Variants in EPB41L3 observed in about 807,000 individuals in gnomAD.
EPB41L3 encodes band 4.1-like protein 3.
A neutral mutation model predicts 127.1 loss-of-function variants in EPB41L3; 57 were observed. The ratio of observed to expected loss-of-function variants is 0.45; its 90% CI spans 0.36 to 0.56. The LOEUF is 0.56. Ranked by LOEUF, EPB41L3 falls within the 20% of genes least tolerant of loss-of-function variation. EPB41L3 has a pLI of 0.00. For missense variants in EPB41L3, 1,273 were observed against 1,372.2 expected (o/e 0.93, Z 1.14); for synonymous variants, 572 against 549.5 (o/e 1.04, Z -0.57).
intron 8 of EPB41L3, among the ~76,000 whole-genome samples, chr18:5,432,395 CT>C (rs2079122699): frequency 6.6e-6 from 1 of 152,158 alleles, no homozygotes; most frequent in South Asian, 2.1e-4. Context: ...GTGACTAACT[CT>C]GTCCATAAAA....
intron 3 of EPB41L3, among the ~76,000 whole-genome samples, chr18:5,474,696 A>T (rs1271108191): frequency 6.6e-6 from 1 of 152,108 alleles, no homozygotes; most frequent in Non-Finnish European, 1.5e-5. Context: ...CTTCATTCTT[A>T]ATTCATCTGT....
chr18:5,609,731 T>C (rs956083383), intron 3 of EPB41L3, among the ~76,000 whole-genome samples: 3 of 152,130 alleles, frequency 2.0e-5, no homozygotes. Flanking sequence ...CTGCCACAAA[T>C]GGTAAATATG....
At chr18:5,561,347 G>T (rs1004208318) in intron 3 of EPB41L3, among the ~76,000 whole-genome samples, 6 of 152,104 alleles carry the variant, frequency 3.9e-5, no homozygotes, top group African/African-American at 1.4e-4. Context: ...AGAAAGTAAA[G>T]AAATGCTTTA....
Position 5,543,727 on chromosome 18 carries a change from G to A in EPB41L3, c.-12+186C>T, listed in dbSNP as rs1490982265. Among the ~76,000 whole-genome samples the A allele has an allele frequency of 1.4e-5, 2 of 147,398 alleles. No individual in the cohort carries two copies. Among genetic ancestry groups the A allele is most frequent in the Non-Finnish European group, 3.0e-5 (2 of 66,350 alleles). The stretch of plus-strand genomic sequence containing the variant: ...GCCCGGTGGGGGTCCCGGCGAGCGG[G>A]AGGGCGGTTGGGGACCCCGGCCGCG... On this transcript the variant is annotated intron_variant, in intron 1 of 22. Transcript: ENST00000341928. The surrounding 1 kb of genome is among the most constrained non-coding windows in gnomAD (Gnocchi z 5.2).
At chr18:5,597,785 C>T (rs1250484690) in intron 3 of EPB41L3, among the ~76,000 whole-genome samples, 2 of 152,162 alleles carry the variant, frequency 1.3e-5, no homozygotes, top group Non-Finnish European at 1.5e-5. Context: ...GTCTTCCACA[C>T]AGTCTTACTC....
intron 1 of EPB41L3, among the ~76,000 whole-genome samples, chr18:5,529,981 G>A (rs1167824484): frequency 4.0e-5 from 6 of 150,702 alleles, no homozygotes; most frequent in Admixed American, 2.0e-4. Flanking sequence ...AACAGCAAGT[G>A]GGGCCATTCC....
At chr18:5,582,499 A>G (rs2094402607) in intron 3 of EPB41L3, among the ~76,000 whole-genome samples, 1 of 152,206 alleles carries the variant, frequency 6.6e-6, no homozygotes, top group Non-Finnish European at 1.5e-5. Flanking sequence ...CCAACGTTAA[A>G]CAGATGTTTA....
chr18:5,592,259 C>T (rs531906310), intron 3 of EPB41L3, among the ~76,000 whole-genome samples: 192 of 152,190 alleles, frequency 1.3e-3, no homozygotes, highest in Non-Finnish European at 2.2e-3. Context: ...CTCCACCTCG[C>T]GGGTTGAGGT....
At chr18:5,628,967 G>A (rs1216794922) in exon 1 of EPB41L3, 2 of 152,410 alleles carry the variant, frequency 1.3e-5, no homozygotes, top group Non-Finnish European at 2.9e-5. Context: ...GGAGCTCCCC[G>A]GCTTCTGAGC....
At chr18:5,410,198 T>G (rs548563864) in intron 14 of EPB41L3, among the ~76,000 whole-genome samples, 77 of 151,364 alleles carry the variant, frequency 5.1e-4, no homozygotes, top group African/African-American at 1.7e-3. Context: ...AGCCTCTCAT[T>G]TGAGATAGAA....
At chr18:5,427,614 C>T (rs2078374161) in intron 9 of EPB41L3, among the ~76,000 whole-genome samples, 1 of 152,152 alleles carries the variant, frequency 6.6e-6, no homozygotes, top group Admixed American at 6.5e-5. Flanking sequence ...TACAGGACCT[C>T]TAAACTGTTC....
At chr18:5,443,785 T>C (rs573933119) in intron 5 of EPB41L3, 53 bp downstream of exon 5, 3 of 1,489,548 alleles carry the variant, frequency 2.0e-6, no homozygotes, top group African/African-American at 1.4e-5. Flanking sequence ...TTCAGACAAC[T>C]TGCTCTCTGA....
At chr18:5,411,842 G>A (rs186879762) in intron 13 of EPB41L3, among the ~76,000 whole-genome samples, 3 of 152,194 alleles carry the variant, frequency 2.0e-5, no homozygotes, top group Admixed American at 2.0e-4. Context: ...CATGTTTCAT[G>A]TTACGTACTC....
intron 1 of EPB41L3, among the ~76,000 whole-genome samples, chr18:5,542,038 A>G (rs1271518884): frequency 1.3e-5 from 2 of 152,248 alleles, no homozygotes; most frequent in African/African-American, 2.4e-5. Flanking sequence ...ATGCCTTGCA[A>G]ATTAACAAAT....
Position 5,396,473 on chromosome 18 carries a change from C to T in EPB41L3, c.2842-141G>A. ...GTAGAGAGTAAGCTGGGGAATGAGG[C>T]ATACAACATGCACATGTCAGTCTCC... On this transcript the variant is annotated intron_variant, in intron 18 of 22. Coordinates refer to ENST00000341928, the MANE Select transcript of EPB41L3 (RefSeq NM_012307.5). The T allele has an allele frequency of 3.3e-6, 3 of 906,852 alleles. No homozygotes were observed. In the South Asian group the frequency reaches 5.1e-5, roughly 15 times the overall value. 56.2% of individuals were successfully genotyped at this position (906,852 alleles called of 1,614,324 possible).
At chr18:5,487,469 A>C (rs1456214742) in intron 2 of EPB41L3, among the ~76,000 whole-genome samples, 1 of 150,994 alleles carries the variant, frequency 6.6e-6, no homozygotes, top group Non-Finnish European at 1.5e-5. Context: ...AAAGATAGTA[A>C]GTTTTATTTG....
At chr18:5,407,920 T>C (rs1384598717) in intron 14 of EPB41L3, among the ~76,000 whole-genome samples, 184 bp from the exon 15 acceptor site, 1 of 152,208 alleles carries the variant, frequency 6.6e-6, no homozygotes, top group Admixed American at 6.5e-5. Flanking sequence ...TTAATAAGAA[T>C]ATAGGAATAT....
At chr18:5,621,605 G>C (rs1278558852) in intron 1 of EPB41L3, among the ~76,000 whole-genome samples, 1 of 152,144 alleles carries the variant, frequency 6.6e-6, no homozygotes, top group African/African-American at 2.4e-5. Context: ...GCGAGATATG[G>C]TGGCATGTGC....
rs182365094 is a variant in EPB41L3 at position 5,480,695 on chromosome 18, G to A, written c.184-2257C>T. ...GCTTGGGGACTTGCGTGAGTTCTCC[G>A]AAGATGGTAAAACAATGACTAGAAG... On this transcript the variant is annotated intron_variant, in intron 2 of 22. Transcript: ENST00000341928. 2.3e-3 allele frequency among the ~76,000 whole-genome samples: 344 copies of A among 152,264 alleles called. 1 individual carries two copies. The highest frequency in any genetic ancestry group is 2.9e-3 in the Admixed American group (44 of 15,294).
Sources: allele counts gnomAD v4.1 joint callset (sites outside exome capture counted in the v4.1 genomes callset), GRCh38; gene constraint gnomAD v4.1.1; non-coding constraint Gnocchi (gnomAD v3.1); transcripts MANE v1.5; gene names NCBI Gene and HGNC (gene_info 2026-07-23, HGNC 2026-07-21).